NAA15: variants seen among roughly 807,000 people sequenced by gnomAD.
The protein encoded by NAA15 is N-alpha-acetyltransferase 15, NatA auxiliary subunit.
NAA15 carries 34 observed loss-of-function variants against 114.0 expected under a neutral mutation model. The observed-to-expected ratio is 0.30, with a 90% CI of 0.23 to 0.40. The LOEUF is 0.40. Among genes scored for constraint, NAA15 ranks in the 10% least tolerant of loss-of-function variants. NAA15 has a pLI of 1.00. For missense variants in NAA15, 658 were observed against 1,004.5 expected (o/e 0.66, Z 4.66); for synonymous variants, 340 against 338.0 (o/e 1.01, Z -0.06).
At chr4:139,359,594 A>G (rs1330173941) in intron 11 of NAA15, 149 bp from the exon 12 acceptor site, 1 of 646,382 alleles carries the variant, frequency 1.5e-6, no homozygotes, top group Non-Finnish European at 2.5e-6. Flanking sequence ...TTATGGAAGA[A>G]TGCATTTCTT....
At chr4:139,365,075 T>A (rs1748240262) in intron 14 of NAA15, among the ~76,000 whole-genome samples, 1 of 152,190 alleles carries the variant, frequency 6.6e-6, no homozygotes, top group Non-Finnish European at 1.5e-5. Flanking sequence ...TTCGCTCTTT[T>A]CACCCAGGCT....
intron 12 of NAA15, 101 bp downstream of exon 12, chr4:139,359,996 G>A: frequency 9.0e-7 from 1 of 1,115,442 alleles, no homozygotes; most frequent in Non-Finnish European, 1.2e-6. Flanking sequence ...TAATATTTTT[G>A]ACACCGTAAT....
In NAA15 at chr4:139,323,053, CT is replaced by C. The variant is rs67137305; in HGVS notation, c.55-11101del. ...GGCAGATTTCTTTTTCTTTTCTTTT[CT>C]TTTTTTTTTTTTTTTTTTTGAGATA... is the stretch of plus-strand genomic sequence containing the variant. On this transcript the variant is annotated intron_variant, in intron 1 of 19. Coordinates refer to ENST00000296543, the MANE Select transcript of NAA15 (RefSeq NM_057175.5). Among the ~76,000 whole-genome samples, 486 of 117,466 alleles carry C rather than the reference CT, an allele frequency of 4.1e-3. 2 individuals carry two copies. The highest frequency in any genetic ancestry group is 0.012 in the African/African-American group (360 of 30,938). The allele number at this position is 117,466 out of a possible 152,430, so 77.1% of individuals were successfully genotyped here.
chr4:139,350,363 G>A (rs1747736544), intron 7 of NAA15, among the ~76,000 whole-genome samples: 1 of 152,204 alleles, frequency 6.6e-6, no homozygotes, highest in African/African-American at 2.4e-5. Flanking sequence ...TGGCTGCATC[G>A]AAGTGACTTG....
chr4:139,357,154 G>C (rs1247400497), intron 10 of NAA15, among the ~76,000 whole-genome samples: 3 of 152,060 alleles, frequency 2.0e-5, no homozygotes, highest in Non-Finnish European at 1.5e-5. Context: ...TCCCATGTTT[G>C]TTTCATAAAG....
At chr4:139,311,406 A>G (rs1746220624) in intron 1 of NAA15, among the ~76,000 whole-genome samples, 1 of 151,936 alleles carries the variant, frequency 6.6e-6, no homozygotes, top group South Asian at 2.1e-4. Context: ...GCTTGCATAA[A>G]TTTTTGGAGA....
intron 1 of NAA15, among the ~76,000 whole-genome samples, chr4:139,322,769 G>A (rs747225548): frequency 6.6e-6 from 1 of 152,146 alleles, no homozygotes; most frequent in Non-Finnish European, 1.5e-5. Context: ...TTGGCTCACT[G>A]CAACCTCCAC....
At chr4:139,323,292 G>A (rs1395799260) in intron 1 of NAA15, among the ~76,000 whole-genome samples, 4 of 152,046 alleles carry the variant, frequency 2.6e-5, no homozygotes, top group African/African-American at 9.7e-5. Flanking sequence ...CCTGACCTCA[G>A]GTGATGCACC....
intron 1 of NAA15, among the ~76,000 whole-genome samples, chr4:139,327,768 C>T (rs1043987559): frequency 2.0e-5 from 3 of 151,984 alleles, no homozygotes; most frequent in Non-Finnish European, 4.4e-5. Context: ...CGGATTTAAG[C>T]GATTCTCCTG....
Position 139,348,365 on chromosome 4 carries a change from G to C in NAA15, c.692-1097G>C, listed in dbSNP as rs185926594. On this transcript the variant is annotated intron_variant, in intron 6 of 19. Transcript: ENST00000296543. The stretch of plus-strand genomic sequence containing the variant: ...GCTACTAGGGAGGCTGAGGTGGTAG[G>C]ATCGCTTTAGGAGGTCGAGGCTGCA... 1.6e-4 allele frequency among the ~76,000 whole-genome samples: 24 copies of C among 151,342 alleles called. No individual in the cohort carries two copies. The East Asian group carries it at 4.1e-3, about 26-fold the overall frequency.
chr4:139,309,426 A>AGTGT lies in NAA15; in HGVS notation c.54+7636_54+7639dup, dbSNP rs70943412. Among the ~76,000 whole-genome samples, 1,126 of 143,632 alleles carry AGTGT rather than the reference A, an allele frequency of 7.8e-3. 12 individuals carry two copies. Among genetic ancestry groups the AGTGT allele is most frequent in the African/African-American group, 0.02 (771 of 37,954 alleles). The allele number at this position is 143,632 out of a possible 152,430, so 94.2% of individuals were successfully genotyped here. On this transcript the variant is annotated intron_variant, in intron 1 of 19. Transcript: ENST00000296543. ...AAATTTATTCTTTGCTTGCTTTTTAAGTGTGTGTGTGTGTGTGTGTGTGTG... is the reference window on the plus strand; with the variant it reads ...AAATTTATTCTTTGCTTGCTTTTTAAGTGTGTGTGTGTGTGTGTGTGTGTGTGTG...
intron 1 of NAA15, among the ~76,000 whole-genome samples, chr4:139,313,536 ATTTC>A (rs754868497): frequency 6.7e-6 from 1 of 148,934 alleles, no homozygotes; most frequent in Non-Finnish European, 1.5e-5. Context: ...GTTACAGTAT[ATTTC>A]TTTCTTTTTT....
Position 139,345,714 on chromosome 4 carries a change from A to G in NAA15, c.691+1375A>G, listed in dbSNP as rs186531038. Reference sequence around the variant, plus strand: ...GGCAGGTGGATCACGAGGTCAGGAGATCGAGACCATCCTGGCTAATCTGGT... The same window carrying G: ...GGCAGGTGGATCACGAGGTCAGGAGGTCGAGACCATCCTGGCTAATCTGGT... On this transcript the variant is annotated intron_variant, in intron 6 of 19. Coordinates refer to ENST00000296543, the MANE Select transcript of NAA15 (RefSeq NM_057175.5). Among the ~76,000 whole-genome samples, 10 of 152,246 alleles carry G rather than the reference A, an allele frequency of 6.6e-5. No homozygotes were observed. The East Asian group carries it at 1.9e-3, about 29-fold the overall frequency.
At chr4:139,308,816 A>G (rs911865313) in intron 1 of NAA15, among the ~76,000 whole-genome samples, 2 of 152,036 alleles carry the variant, frequency 1.3e-5, no homozygotes, top group African/African-American at 4.8e-5. Flanking sequence ...GGGTTTCGCC[A>G]TGTTGGCGAG....
At chr4:139,381,900 A>G (rs978627700) in intron 17 of NAA15, among the ~76,000 whole-genome samples, 3 of 152,302 alleles carry the variant, frequency 2.0e-5, no homozygotes, top group East Asian at 1.9e-4. Flanking sequence ...AAAAGGTTTT[A>G]TATTCCCCTT....
chr4:139,341,727 T>G (rs1007887407), intron 4 of NAA15, among the ~76,000 whole-genome samples: 3 of 151,834 alleles, frequency 2.0e-5, no homozygotes, highest in African/African-American at 7.3e-5. Context: ...AAAAAATTTT[T>G]TTTTTCTTGG....
intron 15 of NAA15, among the ~76,000 whole-genome samples, chr4:139,372,138 C>T (rs1365901441): frequency 6.6e-6 from 1 of 152,044 alleles, no homozygotes; most frequent in East Asian, 1.9e-4. Flanking sequence ...GGATGGTCTC[C>T]ATCTCCTGAC....
intron 1 of NAA15, among the ~76,000 whole-genome samples, chr4:139,329,230 A>G (rs1019897639): frequency 4.6e-5 from 7 of 151,894 alleles, no homozygotes; most frequent in African/African-American, 1.7e-4. Flanking sequence ...TTTTTCGAAT[A>G]TATTTCATTT....
intron 3 of NAA15, among the ~76,000 whole-genome samples, chr4:139,337,410 A>T (rs1747235155): frequency 6.6e-6 from 1 of 152,228 alleles, no homozygotes; most frequent in African/African-American, 2.4e-5. Flanking sequence ...ACTTAGGTTC[A>T]AAACCCATTT....
Sources: allele counts gnomAD v4.1 joint callset (sites outside exome capture counted in the v4.1 genomes callset), GRCh38; gene constraint gnomAD v4.1.1; transcripts MANE v1.5; gene names NCBI Gene and HGNC (gene_info 2026-07-23, HGNC 2026-07-21).